CDH4: variants seen among roughly 807,000 people sequenced by gnomAD.
CDH4 encodes the protein cadherin 4, also known as cadherin-4.
In CDH4, 33 loss-of-function variants were observed where a neutral mutation model predicts 86.0. The ratio of observed to expected loss-of-function variants is 0.38; its 90% CI spans 0.29 to 0.51. The LOEUF is 0.51. CDH4 is among the 20% of genes least tolerant of loss of function. CDH4 has a pLI of 0.86. For missense variants in CDH4, 1,114 were observed against 1,307.4 expected (o/e 0.85, Z 2.28); for synonymous variants, 555 against 549.4 (o/e 1.01, Z -0.14).
chr20:61,843,554 C>T (rs1425728324), intron 4 of CDH4, among the ~76,000 whole-genome samples: 2 of 149,466 alleles, frequency 1.3e-5, no homozygotes, highest in Non-Finnish European at 3.0e-5. Context: ...ATTAGCCAGG[C>T]GTGGTTGCCA....
chr20:61,683,276 G>A (rs1243294822), intron 2 of CDH4, among the ~76,000 whole-genome samples: 1 of 152,202 alleles, frequency 6.6e-6, no homozygotes, highest in South Asian at 2.1e-4. Context: ...CTGATCTTTG[G>A]AAGGATGAGT....
chr20:61,263,764 G>T (rs2084140724), intron 2 of CDH4, among the ~76,000 whole-genome samples: 1 of 152,168 alleles, frequency 6.6e-6, no homozygotes, highest in African/African-American at 2.4e-5. Context: ...CAAGGTGTCT[G>T]CAGGGTGGGT....
chr20:61,614,791 G>T (rs868249199), intron 2 of CDH4, among the ~76,000 whole-genome samples: 4 of 152,088 alleles, frequency 2.6e-5, no homozygotes, highest in Non-Finnish European at 5.9e-5. Flanking sequence ...CTCACTAATG[G>T]GGGCCCGCTC....
chr20:61,451,289 G>A (rs898407305), intron 2 of CDH4, among the ~76,000 whole-genome samples: 21 of 152,160 alleles, frequency 1.4e-4, no homozygotes, highest in South Asian at 4.2e-4. Context: ...GAAACGGCAC[G>A]GACCACCATG....
At chr20:61,469,287 G>T (rs1489945876) in intron 2 of CDH4, among the ~76,000 whole-genome samples, 1 of 152,148 alleles carries the variant, frequency 6.6e-6, no homozygotes, top group East Asian at 1.9e-4. Context: ...TTGTAGTTTA[G>T]ATTTGCATTT....
In CDH4 at chr20:61,744,418, G is replaced by A. The variant is rs553880448; in HGVS notation, c.396+629G>A. ...AGAGATGGAAAGAGGTGGAGGGAGA[G>A]AGAGAAGGAAAGGGAGGGAGAGGAA... On this transcript the variant is annotated intron_variant, in intron 3 of 15. Transcript: ENST00000614565. 9.1e-5 allele frequency among the ~76,000 whole-genome samples: 12 copies of A among 131,822 alleles called. No individual in the cohort carries two copies. The East Asian group carries it at 2.6e-3, about 29-fold the overall frequency. The allele number at this position is 131,822 out of a possible 152,430, so 86.5% of individuals were successfully genotyped here. A position where few individuals can be genotyped will look rare whatever the true frequency, so the allele number is the denominator to read the frequency against.
chr20:61,298,024 C>G (rs961560329), intron 2 of CDH4, among the ~76,000 whole-genome samples: 9 of 152,342 alleles, frequency 5.9e-5, no homozygotes, highest in Admixed American at 2.0e-4. Flanking sequence ...GAGGCCCACG[C>G]AGGCACCCGA....
intron 2 of CDH4, among the ~76,000 whole-genome samples, chr20:61,362,759 G>T (rs1007265723): frequency 5.9e-5 from 9 of 152,156 alleles, no homozygotes; most frequent in African/African-American, 2.2e-4. Flanking sequence ...GGGCACCTGA[G>T]ACAGCATTAG....
rs553358474 is a variant in CDH4 at position 61,518,719 on chromosome 20, C to T, written c.170-224844C>T. Among the ~76,000 whole-genome samples, 9 of 151,980 alleles carry T rather than the reference C, an allele frequency of 5.9e-5. No individual in the cohort carries two copies. Among genetic ancestry groups the T allele is most frequent in the East Asian group, 1.9e-4 (1 of 5,140 alleles). On this transcript the variant is annotated intron_variant, in intron 2 of 15. Transcript: ENST00000614565. The surrounding 1 kb of genome is among the most constrained non-coding windows in gnomAD (Gnocchi z 6.3). ...CCTATCTGTTGTTCAATCATCCATCCGTTCATCCACCCATCATCCATTCAT... is the reference window on the plus strand; with the variant it reads ...CCTATCTGTTGTTCAATCATCCATCTGTTCATCCACCCATCATCCATTCAT...
In CDH4 at chr20:61,663,699, C is replaced by T. The variant is rs1204689393; in HGVS notation, c.170-79864C>T. 6.6e-6 allele frequency among the ~76,000 whole-genome samples: 1 copy of T among 151,708 alleles called. No homozygotes were observed. Among genetic ancestry groups the T allele is most frequent in the Non-Finnish European group, 1.5e-5 (1 of 67,946 alleles). ...GTGCTGTCTTCCCGGCGGGAGCTGG[C>T]GGTACTGAGGAAGGACGTGCAGAAC... On this transcript the variant is annotated intron_variant, in intron 2 of 15. Coordinates refer to ENST00000614565, the MANE Select transcript of CDH4 (RefSeq NM_001794.5). The surrounding 1 kb of genome is among the most constrained non-coding windows in gnomAD (Gnocchi z 5.0).
chr20:61,326,394 A>G (rs1294134159), intron 2 of CDH4, among the ~76,000 whole-genome samples: 2 of 152,254 alleles, frequency 1.3e-5, no homozygotes, highest in South Asian at 2.1e-4. Context: ...ACTCTTTCCA[A>G]TATGTTGTGT....
intron 3 of CDH4, among the ~76,000 whole-genome samples, chr20:61,765,096 AC>A (rs961399856): frequency 2.0e-5 from 3 of 152,086 alleles, no homozygotes; most frequent in African/African-American, 7.2e-5. Context: ...TCAGGCCCCC[AC>A]ACCCTTCATC....
At chr20:61,639,369 C>T (rs780657833) in intron 2 of CDH4, among the ~76,000 whole-genome samples, 1 of 152,212 alleles carries the variant, frequency 6.6e-6, no homozygotes, top group Non-Finnish European at 1.5e-5. Flanking sequence ...CCTCTGCCAG[C>T]AGGGCGGCTC....
At chr20:61,797,286 C>T (rs1979582757) in intron 4 of CDH4, among the ~76,000 whole-genome samples, 1 of 152,142 alleles carries the variant, frequency 6.6e-6, no homozygotes. Flanking sequence ...AGGGCTCACA[C>T]CATCCATTCC....
At chr20:61,605,091 C>T (rs1315098962) in intron 2 of CDH4, among the ~76,000 whole-genome samples, 4 of 152,166 alleles carry the variant, frequency 2.6e-5, no homozygotes, top group Admixed American at 2.0e-4. Flanking sequence ...TGCAATTCCA[C>T]GCACTTGGGA....
At chr20:61,276,285 G>A (rs1390948568) in intron 2 of CDH4, among the ~76,000 whole-genome samples, 2 of 152,154 alleles carry the variant, frequency 1.3e-5, no homozygotes, top group African/African-American at 2.4e-5. Flanking sequence ...ACTTAAGACC[G>A]GAAGTGCACA....
intron 2 of CDH4, among the ~76,000 whole-genome samples, chr20:61,642,699 A>G (rs1743418614): frequency 6.6e-6 from 1 of 152,196 alleles, no homozygotes; most frequent in African/African-American, 2.4e-5. Context: ...GTAGGTCAGA[A>G]GTCTTACAGG....
At chr20:61,604,796 C>T (rs1363845635) in intron 2 of CDH4, among the ~76,000 whole-genome samples, 1 of 152,128 alleles carries the variant, frequency 6.6e-6, no homozygotes, top group East Asian at 1.9e-4. Context: ...CACTAATGGT[C>T]TAATTAGAAG....
chr20:61,551,939 C>T (rs755009462), intron 2 of CDH4, among the ~76,000 whole-genome samples: 4 of 152,122 alleles, frequency 2.6e-5, no homozygotes, highest in Non-Finnish European at 4.4e-5. Context: ...ATGCAAAGAA[C>T]GAAATTGGAC....
Sources: allele counts gnomAD v4.1 joint callset (sites outside exome capture counted in the v4.1 genomes callset), GRCh38; gene constraint gnomAD v4.1.1; non-coding constraint Gnocchi (gnomAD v3.1); transcripts MANE v1.5; gene names NCBI Gene and HGNC (gene_info 2026-07-23, HGNC 2026-07-21).